CMIP: variants seen among roughly 807,000 people sequenced by gnomAD.
CMIP encodes the protein c-Maf inducing protein.
A neutral mutation model predicts 97.3 loss-of-function variants in CMIP; 13 were observed. That is an observed-to-expected ratio of 0.13 (90% CI 0.09 to 0.21). The LOEUF is 0.21. CMIP is among the 10% of genes least tolerant of loss of function. CMIP has a pLI of 1.00. For synonymous variants in CMIP, 538 were observed against 436.3 expected (o/e 1.23, Z -2.91); for missense variants, 847 against 1,024.9 (o/e 0.83, Z 2.37).
Position 81,496,359 on chromosome 16 carries a change from G to T in CMIP, c.300+50818G>T, listed in dbSNP as rs962628500. 2.0e-5 allele frequency among the ~76,000 whole-genome samples: 3 copies of T among 152,200 alleles called. No individual in the cohort carries two copies. The South Asian group carries it at 6.2e-4, about 32-fold the overall frequency. ...CATGGGGGCGATCCTACTTGGGGGC[G>T]ATGGATGGGAAACAAGGAAGTAAGT... On this transcript the variant is annotated intron_variant, in intron 1 of 20. Transcript: ENST00000537098.
chr16:81,596,116 C>T (rs534111781), intron 1 of CMIP, among the ~76,000 whole-genome samples: 11 of 152,110 alleles, frequency 7.2e-5, no homozygotes, highest in Admixed American at 2.0e-4. Context: ...TCACTTTTAC[C>T]AGGGAGAAAG....
At chr16:81,497,472 G>T (rs1271878484) in intron 1 of CMIP, among the ~76,000 whole-genome samples, 3 of 152,202 alleles carry the variant, frequency 2.0e-5, no homozygotes, top group Admixed American at 6.5e-5. Flanking sequence ...CCCGAACCCA[G>T]CTGGTGGCTC....
chr16:81,678,040 G>A (rs1891711350), intron 9 of CMIP, among the ~76,000 whole-genome samples: 1 of 152,194 alleles, frequency 6.6e-6, no homozygotes, highest in Non-Finnish European at 1.5e-5. Context: ...TGATAGCATG[G>A]GCTGTAGAGA....
At chr16:81,502,063 T>C (rs568568820) in intron 1 of CMIP, among the ~76,000 whole-genome samples, 9 of 152,338 alleles carry the variant, frequency 5.9e-5, no homozygotes, top group Admixed American at 3.3e-4. Flanking sequence ...AACTATTAAA[T>C]AGAGTAGTCT....
At position 81,664,296 on chromosome 16, in the gene CMIP, G is replaced by T. The variant is rs768152311; in HGVS notation, c.772G>T (p.Val258Leu). 4.4e-6 allele frequency: 7 copies of T among 1,603,164 alleles called. No individual in the cohort carries two copies. In the East Asian group the frequency reaches 1.6e-4, roughly 36 times the overall value. The change falls in exon 7 of 21, where the codon GTG (valine) becomes TTG (leucine). Residue 258 changes from valine to leucine, a missense_variant. Transcript: ENST00000537098. The stretch of plus-strand genomic sequence containing the variant: ...CTGCAGAGAGCGGCCCCGGTCCATG[G>T]TGGTCATCGAGGTGTTCACCCCCGT... ...KHCRERPRSM[V>L]VIEVFTPVVQ...
intron 7 of CMIP, among the ~76,000 whole-genome samples, chr16:81,669,013 C>T (rs1348423528): frequency 2.2e-4 from 33 of 147,678 alleles, no homozygotes; most frequent in Admixed American, 5.4e-4. Context: ...CCACACCCAC[C>T]TCACACTCCT....
At chr16:81,583,119 C>G (rs2091324034) in intron 1 of CMIP, among the ~76,000 whole-genome samples, 1 of 152,260 alleles carries the variant, frequency 6.6e-6, no homozygotes, top group South Asian at 2.1e-4. Context: ...GCTGGCATTG[C>G]CTCTGACCTT....
chr16:81,694,791 G>A (rs1906514832), intron 13 of CMIP, among the ~76,000 whole-genome samples: 1 of 152,208 alleles, frequency 6.6e-6, no homozygotes, highest in African/African-American at 2.4e-5. Flanking sequence ...CCGAGTTCTG[G>A]AGGGATCTTG....
At chr16:81,589,793 C>T (rs1018677152) in intron 1 of CMIP, among the ~76,000 whole-genome samples, 1 of 152,270 alleles carries the variant, frequency 6.6e-6, no homozygotes, top group African/African-American at 2.4e-5. Flanking sequence ...TCTGTCCCTT[C>T]CTCCCTCTCT....
intron 1 of CMIP, among the ~76,000 whole-genome samples, chr16:81,549,753 C>A (rs776108603): frequency 6.6e-6 from 1 of 152,236 alleles, no homozygotes; most frequent in Non-Finnish European, 1.5e-5. Flanking sequence ...GGCCTGGGTG[C>A]CCCAGCAGGG....
At chr16:81,615,408 G>T (rs974091003) in intron 2 of CMIP, among the ~76,000 whole-genome samples, 17 of 144,240 alleles carry the variant, frequency 1.2e-4, no homozygotes, top group African/African-American at 4.4e-4. Context: ...GGTGTATGGT[G>T]TGTGTGTGTG....
chr16:81,607,764 T>C, intron 2 of CMIP, 72 bp downstream of exon 2: 3 of 1,514,832 alleles, frequency 2.0e-6, no homozygotes, highest in Non-Finnish European at 2.7e-6. Flanking sequence ...TCGTTTCCCT[T>C]GGAGGGAGCC....
Position 81,587,124 on chromosome 16 carries a change from A to G in CMIP, c.301-20443A>G, listed in dbSNP as rs146954436. 4.6e-5 allele frequency among the ~76,000 whole-genome samples: 7 copies of G among 152,356 alleles called. No individual in the cohort carries two copies. The East Asian group carries it at 1.4e-3, about 29-fold the overall frequency. ...CAGTTAACTGGTATTGATTTGAAAC[A>G]GAAATGCAGAAGGGCAGGGAGTCAG... On this transcript the variant is annotated intron_variant, in intron 1 of 20. Transcript: ENST00000537098.
chr16:81,705,388 G>T (rs950710333), intron 18 of CMIP, 111 bp from the exon 19 acceptor site: 2 of 735,402 alleles, frequency 2.7e-6, no homozygotes, highest in African/African-American at 1.8e-5. Context: ...GTGGGCCATG[G>T]GCCTCAGAGC....
At chr16:81,574,327 G>C (rs891577582) in intron 1 of CMIP, among the ~76,000 whole-genome samples, 8 of 152,158 alleles carry the variant, frequency 5.3e-5, no homozygotes, top group Non-Finnish European at 4.4e-5. Flanking sequence ...GGGGCTGCCT[G>C]TAGCCTGGCA....
intron 1 of CMIP, among the ~76,000 whole-genome samples, chr16:81,445,920 C>G (rs1905807296): frequency 6.7e-6 from 1 of 148,886 alleles, no homozygotes. Context: ...CCATCTGGAT[C>G]TGAGGGGTGG....
Position 81,516,947 on chromosome 16 carries a change from C to T in CMIP, c.300+71406C>T, listed in dbSNP as rs561324247. On this transcript the variant is annotated intron_variant, in intron 1 of 20. Transcript: ENST00000537098. ...GCCTCCAAGGTCATCAGTGAAAAAC[C>T]AGATGGCCTCCAAGGTCTTCAGTGA... Among the ~76,000 whole-genome samples, 7 of 151,324 alleles carry T rather than the reference C, an allele frequency of 4.6e-5. No homozygotes were observed. The East Asian group carries it at 1.4e-3, about 29-fold the overall frequency.
intron 18 of CMIP, 35 bp from the exon 19 acceptor site, chr16:81,705,464 G>C: frequency 1.4e-6 from 2 of 1,464,550 alleles, no homozygotes; most frequent in Non-Finnish European, 1.9e-6. Context: ...CCCAGGAGTG[G>C]CCGGGAGAGG....
intron 1 of CMIP, among the ~76,000 whole-genome samples, chr16:81,562,761 A>G (rs1490402483): frequency 6.6e-6 from 1 of 152,198 alleles, no homozygotes; most frequent in Non-Finnish European, 1.5e-5. Context: ...TCACATACCC[A>G]TCCAGTGAGG....
Sources: allele counts gnomAD v4.1 joint callset (sites outside exome capture counted in the v4.1 genomes callset), GRCh38; gene constraint gnomAD v4.1.1; transcripts MANE v1.5; gene names NCBI Gene and HGNC (gene_info 2026-07-23, HGNC 2026-07-21).